SEMA3E: variants seen among roughly 807,000 people sequenced by gnomAD.
SEMA3E encodes semaphorin 3E.
Under a neutral mutation model 93.6 loss-of-function variants are expected in SEMA3E, and 49 were observed. The observed-to-expected ratio is 0.52, with a 90% confidence interval of 0.42 to 0.66. The LOEUF is 0.66. SEMA3E is among the 30% of genes least tolerant of loss of function. The pLI is 0.00. For synonymous variants in SEMA3E, 363 were observed against 330.7 expected (o/e 1.10, Z -1.06); for missense variants, 906 against 964.8 (o/e 0.94, Z 0.81).
At chr7:83,567,891 A>G (rs184961946) in intron 1 of SEMA3E, among the ~76,000 whole-genome samples, 1 of 152,138 alleles carries the variant, frequency 6.6e-6, no homozygotes, top group East Asian at 1.9e-4. Context: ...GAAGGAAAGA[A>G]ATAATAAAGA....
At chr7:83,429,152 T>C (rs1269378696) in intron 4 of SEMA3E, among the ~76,000 whole-genome samples, 1 of 152,202 alleles carries the variant, frequency 6.6e-6, no homozygotes, top group Non-Finnish European at 1.5e-5. Flanking sequence ...GTAAGTCCTT[T>C]AATACCATTG....
chr7:83,556,978 A>G (rs1046349299), intron 1 of SEMA3E, among the ~76,000 whole-genome samples: 63 of 152,300 alleles, frequency 4.1e-4, no homozygotes, highest in African/African-American at 1.5e-3. Flanking sequence ...CAAACCTGCC[A>G]GAGTTTGATC....
intron 1 of SEMA3E, among the ~76,000 whole-genome samples, chr7:83,635,350 T>C (rs1793861059): frequency 6.6e-6 from 1 of 151,932 alleles, no homozygotes; most frequent in African/African-American, 2.4e-5. Flanking sequence ...ATAGAAGTGA[T>C]CCTAATTTCT....
At chr7:83,399,321 A>T (rs1055924736) in intron 11 of SEMA3E, among the ~76,000 whole-genome samples, 1 of 152,212 alleles carries the variant, frequency 6.6e-6, no homozygotes, top group Non-Finnish European at 1.5e-5. Flanking sequence ...GATCTAATGT[A>T]TGGGTTAATT....
intron 1 of SEMA3E, among the ~76,000 whole-genome samples, chr7:83,499,384 T>C (rs530674926): frequency 6.6e-6 from 1 of 152,308 alleles, no homozygotes; most frequent in East Asian, 1.9e-4. Context: ...ATAAACCATA[T>C]GTAATTAAAG....
chr7:83,510,860 A>AT (rs1206462188), intron 1 of SEMA3E, among the ~76,000 whole-genome samples: 1 of 152,218 alleles, frequency 6.6e-6, no homozygotes, highest in Non-Finnish European at 1.5e-5. Context: ...GGCCAATGAG[A>AT]TAACCCTCGT....
intron 1 of SEMA3E, among the ~76,000 whole-genome samples, chr7:83,574,987 T>C (rs931909505): frequency 2.6e-5 from 4 of 152,134 alleles, no homozygotes; most frequent in Non-Finnish European, 5.9e-5. Context: ...CAATGAACAA[T>C]AAATGGAAAT....
intron 1 of SEMA3E, among the ~76,000 whole-genome samples, chr7:83,537,735 TTAAA>T (rs1238334599): frequency 6.6e-6 from 1 of 152,170 alleles, no homozygotes; most frequent in East Asian, 1.9e-4. Flanking sequence ...AAGTGCACAA[TTAAA>T]TAGTTTTCAG....
At chr7:83,508,225 T>C (rs1790743409) in intron 1 of SEMA3E, among the ~76,000 whole-genome samples, 1 of 152,006 alleles carries the variant, frequency 6.6e-6, no homozygotes, top group African/African-American at 2.4e-5. Flanking sequence ...TATAAAAATA[T>C]TAACTAAATG....
intron 1 of SEMA3E, among the ~76,000 whole-genome samples, chr7:83,636,297 G>A (rs42000): frequency 0.29 from 43,832 of 151,958 alleles, 6,894 homozygotes; most frequent in South Asian, 0.35. Context: ...TGCAAAAGGG[G>A]CAGAAGAGAA....
intron 16 of SEMA3E, among the ~76,000 whole-genome samples, chr7:83,378,024 G>A (rs1787686575): frequency 6.6e-6 from 1 of 151,730 alleles, no homozygotes; most frequent in African/African-American, 2.4e-5. Flanking sequence ...ATAAACCAGG[G>A]TATAGTGGTG....
At chr7:83,368,484 T>TC (rs1157662727) in intron 16 of SEMA3E, among the ~76,000 whole-genome samples, 1 of 152,182 alleles carries the variant, frequency 6.6e-6, no homozygotes, top group Non-Finnish European at 1.5e-5. Flanking sequence ...GATTATGCCC[T>TC]CCAGATGGTA....
At chr7:83,408,889 T>C (rs1788380203) in intron 5 of SEMA3E, among the ~76,000 whole-genome samples, 1 of 152,186 alleles carries the variant, frequency 6.6e-6, no homozygotes, top group Non-Finnish European at 1.5e-5. Flanking sequence ...ATCATTATGA[T>C]TGTTATTGTG....
At chr7:83,595,585 CT>C (rs1792854801) in intron 1 of SEMA3E, among the ~76,000 whole-genome samples, 1 of 151,968 alleles carries the variant, frequency 6.6e-6, no homozygotes, top group African/African-American at 2.4e-5. Context: ...GTCATATCTT[CT>C]TAGTCTCTTC....
chr7:83,388,942 T>G (rs1448194483), intron 14 of SEMA3E, among the ~76,000 whole-genome samples: 1 of 151,730 alleles, frequency 6.6e-6, no homozygotes, highest in Non-Finnish European at 1.5e-5. Context: ...TATTAAAAAC[T>G]AGGGCAGATC....
At chr7:83,549,178 A>G (rs1283797848) in intron 1 of SEMA3E, among the ~76,000 whole-genome samples, 1 of 152,198 alleles carries the variant, frequency 6.6e-6, no homozygotes, top group African/African-American at 2.4e-5. Context: ...AAACATTCAT[A>G]TCAACATTTT....
At chr7:83,588,191 T>G (rs1305002093) in intron 1 of SEMA3E, among the ~76,000 whole-genome samples, 1 of 151,914 alleles carries the variant, frequency 6.6e-6, no homozygotes, top group African/African-American at 2.4e-5. Flanking sequence ...AGACCATCCT[T>G]GCCAACATGG....
chr7:83,510,485 C>T (rs1407885305), intron 1 of SEMA3E, among the ~76,000 whole-genome samples: 1 of 152,020 alleles, frequency 6.6e-6, no homozygotes, highest in African/African-American at 2.4e-5. Flanking sequence ...ATTGCATATC[C>T]CAGTAGATAT....
At chr7:83,611,909 T>C (rs1793274517) in intron 1 of SEMA3E, among the ~76,000 whole-genome samples, 1 of 152,086 alleles carries the variant, frequency 6.6e-6, no homozygotes, top group Admixed American at 6.6e-5. Context: ...TGTCTTACCT[T>C]TAGCATGGCA....
Sources: allele counts gnomAD v4.1 joint callset (sites outside exome capture counted in the v4.1 genomes callset), GRCh38; gene constraint gnomAD v4.1.1; transcripts MANE v1.5; gene names NCBI Gene and HGNC (gene_info 2026-07-23, HGNC 2026-07-21).